Variants in GRK5 observed in about 807,000 individuals in gnomAD.
The protein encoded by GRK5 is g protein-coupled receptor kinase GRK5.
In GRK5, 40 loss-of-function variants were observed where a neutral mutation model predicts 78.4. The ratio of observed to expected loss-of-function variants is 0.51; its 90% CI spans 0.40 to 0.66. The LOEUF is 0.66. Ranked by LOEUF, GRK5 falls within the 30% of genes least tolerant of loss-of-function variation. The pLI, the probability that GRK5 is intolerant of heterozygous loss-of-function variation, is 0.00. For missense variants in GRK5, 598 were observed against 759.9 expected, an observed-to-expected ratio of 0.79 and a Z score of 2.50; for synonymous variants, 289 against 296.8, an observed-to-expected ratio of 0.97 and a Z score of 0.27.
intron 3 of GRK5, among the ~76,000 whole-genome samples, chr10:119,394,851 GCACACA>G (rs1852016678): frequency 6.9e-6 from 1 of 144,476 alleles, no homozygotes; most frequent in African/African-American, 2.5e-5. Flanking sequence ...ACGTGTGTGT[GCACACA>G]TGTGCACTCA....
intron 1 of GRK5, among the ~76,000 whole-genome samples, chr10:119,269,808 G>A (rs1849557243): frequency 7.0e-6 from 1 of 143,198 alleles, no homozygotes; most frequent in South Asian, 2.3e-4. Flanking sequence ...ACTCCAGCCT[G>A]CAAGATGGAG....
intron 2 of GRK5, among the ~76,000 whole-genome samples, chr10:119,366,506 G>C (rs868320218): frequency 2.6e-4 from 40 of 152,176 alleles, no homozygotes; most frequent in South Asian, 1.2e-3. Context: ...AGGGCAGGAG[G>C]GGGGCAGCTA....
chr10:119,330,882 A>C (rs1850764498), intron 2 of GRK5, among the ~76,000 whole-genome samples: 1 of 152,140 alleles, frequency 6.6e-6, no homozygotes, highest in South Asian at 2.1e-4. Context: ...TTAGCCAGGC[A>C]TGGTGGTGGG....
intron 1 of GRK5, among the ~76,000 whole-genome samples, chr10:119,266,419 C>T (rs758059391): frequency 6.6e-5 from 10 of 151,794 alleles, no homozygotes; most frequent in South Asian, 2.1e-4. Context: ...GCCGAGATGG[C>T]GCCGCTGCAC....
At chr10:119,329,831 T>C (rs2133768234) in intron 2 of GRK5, among the ~76,000 whole-genome samples, 1 of 151,510 alleles carries the variant, frequency 6.6e-6, no homozygotes, top group African/African-American at 2.4e-5. Flanking sequence ...CTGCTATGGT[T>C]CACACGCCAG....
chr10:119,341,507 A>G (rs144093871), intron 2 of GRK5, among the ~76,000 whole-genome samples: 36 of 152,164 alleles, frequency 2.4e-4, no homozygotes, highest in African/African-American at 8.4e-4. Flanking sequence ...ACTCAACCTT[A>G]GTCCCCTGCT....
chr10:119,327,270 G>C (rs920614754), intron 2 of GRK5, among the ~76,000 whole-genome samples: 2 of 152,188 alleles, frequency 1.3e-5, no homozygotes, highest in East Asian at 1.9e-4. Flanking sequence ...CTGGTCCCAC[G>C]CAGGACACGG....
At chr10:119,322,419 T>C (rs1194724415) in intron 1 of GRK5, among the ~76,000 whole-genome samples, 1 of 152,222 alleles carries the variant, frequency 6.6e-6, no homozygotes, top group Non-Finnish European at 1.5e-5. Flanking sequence ...AAATGTTCCC[T>C]GGGAGGCCGT....
At chr10:119,441,620 A>C (rs1486144911) in intron 10 of GRK5, among the ~76,000 whole-genome samples, 1 of 152,178 alleles carries the variant, frequency 6.6e-6, no homozygotes, top group Non-Finnish European at 1.5e-5. Flanking sequence ...CCCTTAAGCA[A>C]ATTGTTGCAT....
intron 1 of GRK5, among the ~76,000 whole-genome samples, chr10:119,233,213 C>A (rs2133728330): frequency 6.6e-6 from 1 of 152,314 alleles, no homozygotes; most frequent in African/African-American, 2.4e-5. Flanking sequence ...CTTCTTCTGG[C>A]AACAGCACCT....
chr10:119,279,274 A>G (rs1269688215), intron 1 of GRK5, among the ~76,000 whole-genome samples: 1 of 152,194 alleles, frequency 6.6e-6, no homozygotes, highest in Non-Finnish European at 1.5e-5. Context: ...TAAAGGCCTT[A>G]TCCTCAAATT....
chr10:119,275,218 A>G (rs1849648342), intron 1 of GRK5, among the ~76,000 whole-genome samples: 1 of 152,154 alleles, frequency 6.6e-6, no homozygotes. Context: ...CAGACGGGAT[A>G]AGCGCCTGGA....
chr10:119,427,731 C>T (rs997721683), intron 6 of GRK5, among the ~76,000 whole-genome samples: 2 of 135,322 alleles, frequency 1.5e-5, no homozygotes, highest in African/African-American at 6.8e-5. Flanking sequence ...TCACCACCAT[C>T]GTCAACATCA....
At chr10:119,319,454 G>A (rs1464510963) in intron 1 of GRK5, among the ~76,000 whole-genome samples, 2 of 152,194 alleles carry the variant, frequency 1.3e-5, no homozygotes, top group African/African-American at 2.4e-5. Flanking sequence ...CCTGGGCCTC[G>A]GTCACTGCCA....
At position 119,342,312 on chromosome 10, in the gene GRK5, C is replaced by T. The variant is rs769524104; in HGVS notation, c.148+15701C>T. On this transcript the variant is annotated intron_variant, in intron 2 of 15. Coordinates refer to ENST00000392870, the MANE Select transcript of GRK5 (RefSeq NM_005308.3). ...CCAAACCGGTGCTGCTGGATTGGGA[C>T]GGAGACAGCAGTGAGGAACATGAGC... Among the ~76,000 whole-genome samples, 6 of 152,206 alleles carry T rather than the reference C, an allele frequency of 3.9e-5. No homozygotes were observed. The South Asian group carries it at 8.3e-4, about 21-fold the overall frequency.
In GRK5 at chr10:119,397,290, A is replaced by T. The variant is rs182201353; in HGVS notation, c.339+518A>T. On this transcript the variant is annotated intron_variant, in intron 4 of 15. Coordinates refer to ENST00000392870, the MANE Select transcript of GRK5 (RefSeq NM_005308.3). ...ACCCCACCTCGGGGCCACCCACTGG[A>T]TAGTTGAAGCATCGGGGTACCATTG... Among the ~76,000 whole-genome samples the T allele has an allele frequency of 8.1e-4, 123 of 152,284 alleles. 1 individual carries two copies. The highest frequency in any genetic ancestry group is 2.8e-3 in the African/African-American group (116 of 41,560).
intron 1 of GRK5, among the ~76,000 whole-genome samples, chr10:119,315,602 T>A (rs899337864): frequency 2.0e-5 from 3 of 152,200 alleles, no homozygotes; most frequent in African/African-American, 7.2e-5. Flanking sequence ...CACGGTGATA[T>A]TTTCTGGAAA....
chr10:119,333,826 A>G (rs760063093), intron 2 of GRK5: 6 of 532,946 alleles, frequency 1.1e-5, no homozygotes, highest in Non-Finnish European at 2.3e-5. Context: ...TGGGAGACCA[A>G]CTGAAATTAA....
chr10:119,381,563 T>C (rs1316497697), intron 3 of GRK5, among the ~76,000 whole-genome samples: 1 of 152,234 alleles, frequency 6.6e-6, no homozygotes, highest in Admixed American at 6.5e-5. Context: ...GTTTAACAAA[T>C]GCTGATTGAT....
Sources: gnomAD v4.1 joint callset for allele counts (sites outside exome capture counted in the v4.1 genomes callset) on GRCh38, gnomAD v4.1.1 for gene constraint, MANE v1.5 for transcripts, NCBI Gene and HGNC (gene_info 2026-07-23, HGNC 2026-07-21) for gene names.